The following RNF111 variants were observed in gnomAD, a reference collection of about 807,000 sequenced individuals.
The protein encoded by RNF111 is ring finger protein 111, also known as E3 ubiquitin-protein ligase Arkadia.
Under a neutral mutation model 95.1 loss-of-function variants are expected in RNF111, and 17 were observed. That is an observed-to-expected ratio of 0.18 (90% CI 0.12 to 0.27). The LOEUF (loss-of-function observed/expected upper bound fraction) is 0.27, where lower values mean the gene tolerates loss of function less well. RNF111 is among the 10% of genes least tolerant of loss of function. The pLI is 1.00. For synonymous variants in RNF111, 440 were observed against 414.8 expected (o/e 1.06, Z -0.74); for missense variants, 1,189 against 1,210.4 (o/e 0.98, Z 0.26).
rs370765449 is a variant in RNF111 at position 59,058,483 on chromosome 15, A to G, written c.1299A>G (p.Gln433=). 3.5e-5 allele frequency: 57 copies of G among 1,614,132 alleles called. No individual in the cohort carries two copies. Among genetic ancestry groups the G allele is most frequent in the African/African-American group, 1.2e-4 (9 of 75,052 alleles). ...CTGCTTCAGCTGTCACCAGTAGCCA[A>G]CCTTCCACAGTGTCAGAGACTTCAG... is the stretch of plus-strand genomic sequence containing the variant. ...SDTASAVTSS[Q]PSTVSETSAT... is the part of the protein sequence containing the mutation. Residue 433 remains glutamine (Q), a synonymous_variant, in exon 5 of 14, where the codon CAA becomes CAG. Transcript: ENST00000348370.
chr15:59,045,191 C>CTT (rs1174976804), intron 2 of RNF111, among the ~76,000 whole-genome samples: 2 of 138,492 alleles, frequency 1.4e-5, no homozygotes, highest in Non-Finnish European at 1.6e-5. Context: ...AGTGTTTCCT[C>CTT]TTTTTTTTTT....
intron 10 of RNF111, among the ~76,000 whole-genome samples, chr15:59,086,200 A>G (rs780848272): frequency 7.2e-5 from 11 of 151,902 alleles, no homozygotes; most frequent in Non-Finnish European, 1.3e-4. Context: ...GCTCACTGCA[A>G]CCTCCACCTC....
chr15:59,026,900 A>G (rs368287693), intron 1 of RNF111, among the ~76,000 whole-genome samples: 1 of 152,210 alleles, frequency 6.6e-6, no homozygotes, highest in Non-Finnish European at 1.5e-5. Context: ...ACACCACAGC[A>G]TACACCAAAC....
intron 6 of RNF111, among the ~76,000 whole-genome samples, chr15:59,075,187 G>A (rs1193720877): frequency 6.6e-6 from 1 of 152,180 alleles, no homozygotes; most frequent in African/African-American, 2.4e-5. Flanking sequence ...TCCACATGCT[G>A]TTGGAAAAAT....
At chr15:59,028,781 A>ATTTTT (rs34725448) in intron 1 of RNF111, among the ~76,000 whole-genome samples, 1 of 147,144 alleles carries the variant, frequency 6.8e-6, no homozygotes. Flanking sequence ...TTTGTGTTTA[A>ATTTTT]TTTTTTTTTT....
chr15:59,087,752 G>GA (rs149932578), intron 10 of RNF111, among the ~76,000 whole-genome samples: 2,792 of 152,246 alleles, frequency 0.018, 59 homozygotes, highest in East Asian at 0.037. Flanking sequence ...AGAGGTGGCA[G>GA]AAAATCTACA....
chr15:59,073,008 C>CA (rs775995280), intron 6 of RNF111, among the ~76,000 whole-genome samples: 2 of 151,896 alleles, frequency 1.3e-5, no homozygotes, highest in Non-Finnish European at 2.9e-5. Flanking sequence ...TCTGTCTCTA[C>CA]AAAAAATCTA....
chr15:58,989,384 T>C (rs145192451), intron 1 of RNF111, among the ~76,000 whole-genome samples: 1 of 152,222 alleles, frequency 6.6e-6, no homozygotes, highest in Non-Finnish European at 1.5e-5. Flanking sequence ...TTATCATCTC[T>C]CTCCTGCTCA....
chr15:59,022,569 C>T (rs148259187), intron 1 of RNF111, among the ~76,000 whole-genome samples: 36 of 152,332 alleles, frequency 2.4e-4, no homozygotes, highest in African/African-American at 8.4e-4. Flanking sequence ...CCTCACATGG[C>T]TATCCCTTGT....
chr15:59,015,976 G>T (rs2040046164), intron 1 of RNF111, among the ~76,000 whole-genome samples: 1 of 150,862 alleles, frequency 6.6e-6, no homozygotes. Context: ...TCAGCCTCCT[G>T]AGTAGCTGGG....
Position 59,030,857 on chromosome 15 carries a change from A to C in RNF111, c.35A>C (p.Tyr12Ser), listed in dbSNP as rs1435031865. ...SQWTPEYNELYTLKVDMKSEI... is the reference protein window; with the variant it reads ...SQWTPEYNELSTLKVDMKSEI... ...TGGACTCCTGAATATAACGAGCTCT[A>C]CACCTTAAAAGTGGATATGAAGAGT... Residue 12 changes from tyrosine (Y) to serine (S), a missense_variant, in exon 2 of 14, where the codon TAC becomes TCC. Physicochemically the swap from Tyr to Ser is moderately radical, Grantham distance 144. Around this residue, in one of 2 missense-constraint regions of RNF111, gnomAD observed 1,024 missense variants for 925.9 expected, o/e 1.11. Transcript: ENST00000348370. The C allele has an allele frequency of 6.2e-7, 1 of 1,612,818 alleles. No individual in the cohort carries two copies. The highest frequency in any genetic ancestry group is 8.5e-7 in the Non-Finnish European group (1 of 1,179,150).
intron 8 of RNF111, among the ~76,000 whole-genome samples, chr15:59,083,744 A>G (rs999098505): frequency 1.3e-5 from 2 of 152,178 alleles, no homozygotes; most frequent in East Asian, 3.8e-4. Context: ...TTTATATACA[A>G]TAATTTATTT....
At chr15:59,015,355 CATAT>C (rs745993161) in intron 1 of RNF111, among the ~76,000 whole-genome samples, 1 of 152,028 alleles carries the variant, frequency 6.6e-6, no homozygotes, top group Non-Finnish European at 1.5e-5. Flanking sequence ...TATGAATTCA[CATAT>C]AGTTTTACAA....
chr15:59,016,341 T>C (rs1046528670), intron 1 of RNF111, among the ~76,000 whole-genome samples: 2 of 151,982 alleles, frequency 1.3e-5, no homozygotes, highest in African/African-American at 2.4e-5. Context: ...AGCTGATTTC[T>C]GTATTTTTAG....
At chr15:59,051,181 C>T (rs545257403) in intron 2 of RNF111, among the ~76,000 whole-genome samples, 2 of 152,056 alleles carry the variant, frequency 1.3e-5, no homozygotes, top group Non-Finnish European at 2.9e-5. Context: ...GCGCCTGGTG[C>T]GGTGGCTCAC....
At chr15:59,067,855 C>A (rs1298837863) in intron 6 of RNF111, among the ~76,000 whole-genome samples, 1 of 152,128 alleles carries the variant, frequency 6.6e-6, no homozygotes, top group Admixed American at 6.6e-5. Context: ...AAATAAACAG[C>A]CTTCTCATTT....
intron 1 of RNF111, among the ~76,000 whole-genome samples, chr15:59,008,209 C>T (rs1466705078): frequency 2.0e-5 from 3 of 152,028 alleles, no homozygotes; most frequent in South Asian, 2.1e-4. Context: ...AGTTGTTTCA[C>T]GACCATTTTT....
intron 5 of RNF111, among the ~76,000 whole-genome samples, chr15:59,061,641 CTCCT>C (rs1373252413): frequency 1.3e-5 from 2 of 152,198 alleles, no homozygotes; most frequent in Non-Finnish European, 2.9e-5. Flanking sequence ...AGTCTCCTAA[CTCCT>C]TCCTTTCCCT....
chr15:59,084,290 C>G (rs1316537108), intron 9 of RNF111, 36 bp downstream of exon 9: 2 of 1,519,628 alleles, frequency 1.3e-6, no homozygotes, highest in African/African-American at 1.4e-5. Flanking sequence ...CAGTGCTTCA[C>G]AGCTTGTGGT....
Sources: allele counts gnomAD v4.1 joint callset (sites outside exome capture counted in the v4.1 genomes callset), GRCh38; gene constraint gnomAD v4.1.1; regional missense constraint gnomAD v4.1.1; transcripts MANE v1.5; gene names NCBI Gene and HGNC (gene_info 2026-07-23, HGNC 2026-07-21).